Variants in LINC00305 observed in about 807,000 individuals in gnomAD.
LINC00305 encodes the protein long independently transcribed non-coding RNA 305, also known as long intergenic non-protein coding RNA 305.
intron 1 of LINC00305, among the ~76,000 whole-genome samples, chr18:64,105,613 G>T (rs1014045845): frequency 6.6e-6 from 1 of 152,160 alleles, no homozygotes; most frequent in African/African-American, 2.4e-5. Flanking sequence ...GAGTACATGT[G>T]TTCAAAGAAA....
At position 64,105,459 on chromosome 18, in the gene LINC00305, AAAAC is replaced by A. The variant is rs372753743; in HGVS notation, n.315-6823_315-6820del. ...GGGTGACAGAGTGAGATTCCGTCTC[AAAAC>A]AAACAAACAAACAAAAAAAAGTTAT... On this transcript the variant is annotated intron_variant and non_coding_transcript_variant, in intron 1 of 3. Coordinates refer to ENST00000666468, the Ensembl canonical transcript of LINC00305. Among the ~76,000 whole-genome samples, 1,047 of 152,308 alleles carry A rather than the reference AAAAC, an allele frequency of 6.9e-3. 9 individuals are homozygous for A. Among genetic ancestry groups the A allele is most frequent in the African/African-American group, 0.024 (1,011 of 41,572 alleles).
At chr18:64,134,928 GA>G (rs983639500) in intron 1 of LINC00305, among the ~76,000 whole-genome samples, 1 of 152,188 alleles carries the variant, frequency 6.6e-6, no homozygotes, top group African/African-American at 2.4e-5. Flanking sequence ...GGAGTTAACA[GA>G]TAATGTCTGC....
chr18:64,120,479 G>A (rs771983432), intron 1 of LINC00305, among the ~76,000 whole-genome samples: 20 of 151,818 alleles, frequency 1.3e-4, no homozygotes, highest in Admixed American at 3.9e-4. Context: ...GTTTTATAGC[G>A]TTTAGAGAGA....
intron 1 of LINC00305, chr18:64,098,646 A>G: frequency 2.3e-6 from 1 of 429,676 alleles, no homozygotes; most frequent in Non-Finnish European, 4.7e-6. Context: ...CCATCCTGCA[A>G]GTGAAAAAAG....
At chr18:64,108,955 A>C (rs890169555) in intron 1 of LINC00305, among the ~76,000 whole-genome samples, 5 of 152,194 alleles carry the variant, frequency 3.3e-5, no homozygotes, top group Non-Finnish European at 5.9e-5. Flanking sequence ...ACTAACTTTT[A>C]TTTCTTTTCC....
chr18:64,148,317 C>G (rs2051508000), intron 1 of LINC00305, among the ~76,000 whole-genome samples: 2 of 152,060 alleles, frequency 1.3e-5, no homozygotes, highest in African/African-American at 4.8e-5. Context: ...GCAAACTTCC[C>G]TTATCTCAGA....
intron 1 of LINC00305, among the ~76,000 whole-genome samples, chr18:64,136,967 C>T (rs1430266060): frequency 2.6e-5 from 4 of 152,310 alleles, no homozygotes; most frequent in South Asian, 4.1e-4. Context: ...GGTTGCATAG[C>T]GTCCACCTGC....
At chr18:64,121,089 C>T (rs889792944) in intron 1 of LINC00305, among the ~76,000 whole-genome samples, 1 of 152,038 alleles carries the variant, frequency 6.6e-6, no homozygotes, top group Non-Finnish European at 1.5e-5. Flanking sequence ...AAAAATGGTA[C>T]ATGGAACATT....
At chr18:64,097,988 G>T (rs530371416) in exon 3 of LINC00305, 2 of 457,826 alleles carry the variant, frequency 4.4e-6, no homozygotes, top group East Asian at 6.9e-5. Flanking sequence ...AGGTCGCAGA[G>T]ATGGCTACTG....
chr18:64,106,014 C>A (rs2051289013), intron 1 of LINC00305, among the ~76,000 whole-genome samples: 2 of 152,212 alleles, frequency 1.3e-5, no homozygotes, highest in African/African-American at 4.8e-5. Flanking sequence ...ACATTGTTTC[C>A]AATGACATTC....
chr18:64,119,463 C>T (rs762674798), intron 1 of LINC00305, among the ~76,000 whole-genome samples: 10 of 151,956 alleles, frequency 6.6e-5, no homozygotes, highest in Admixed American at 2.0e-4. Flanking sequence ...TAATTAATTG[C>T]GTATTGAGTT....
chr18:64,123,158 A>G (rs1297960495), intron 1 of LINC00305, among the ~76,000 whole-genome samples: 1 of 152,010 alleles, frequency 6.6e-6, no homozygotes, highest in Non-Finnish European at 1.5e-5. Flanking sequence ...TCCAGTTTGG[A>G]TGCCTTTAAT....
At position 64,144,225 on chromosome 18, in the gene LINC00305, A is replaced by C. The variant is rs138670548; in HGVS notation, n.314+4550T>G. ...GGAGTTGGTGAATTATTTATGCTCT[A>C]TAGAATTAGGTTTTGTTGCCAATAG... On this transcript the variant is annotated intron_variant and non_coding_transcript_variant, in intron 1 of 3. Transcript: ENST00000666468. 2.2e-3 allele frequency among the ~76,000 whole-genome samples: 338 copies of C among 152,264 alleles called. 2 individuals carry two copies. The highest frequency in any genetic ancestry group is 7.9e-3 in the African/African-American group (330 of 41,548).
At chr18:64,115,919 G>GA (rs1176312947) in intron 1 of LINC00305, among the ~76,000 whole-genome samples, 1 of 152,084 alleles carries the variant, frequency 6.6e-6, no homozygotes, top group African/African-American at 2.4e-5. Flanking sequence ...GGGAGGATAG[G>GA]AGCCTAACAT....
intron 1 of LINC00305, among the ~76,000 whole-genome samples, chr18:64,134,332 T>C (rs1299961618): frequency 6.6e-6 from 1 of 152,214 alleles, no homozygotes; most frequent in Non-Finnish European, 1.5e-5. Flanking sequence ...AATCACAGTT[T>C]CATAATTATG....
chr18:64,083,732 T>G (rs2051193268), intron 3 of LINC00305, among the ~76,000 whole-genome samples: 1 of 152,214 alleles, frequency 6.6e-6, no homozygotes. Flanking sequence ...TTAGCACCTC[T>G]TAGAGCTCTT....
intron 1 of LINC00305, among the ~76,000 whole-genome samples, chr18:64,126,716 T>C (rs1408402431): frequency 4.6e-5 from 7 of 152,136 alleles, no homozygotes; most frequent in Admixed American, 4.6e-4. Context: ...TCAAAGCGTG[T>C]CCAGCTGTAG....
intron 1 of LINC00305, among the ~76,000 whole-genome samples, chr18:64,136,490 C>T (rs1270863949): frequency 6.6e-6 from 1 of 152,100 alleles, no homozygotes; most frequent in Admixed American, 6.5e-5. Flanking sequence ...ACCATCAGAT[C>T]TCATGAGAAC....
intron 3 of LINC00305, among the ~76,000 whole-genome samples, chr18:64,096,382 T>C (rs1181466238): frequency 6.6e-6 from 1 of 151,856 alleles, no homozygotes; most frequent in Non-Finnish European, 1.5e-5. Context: ...GCAAAAATAT[T>C]TTGAAAAACA....
Sources: allele counts gnomAD v4.1 joint callset (sites outside exome capture counted in the v4.1 genomes callset), GRCh38; gene constraint gnomAD v4.1.1; transcripts MANE v1.5; gene names NCBI Gene and HGNC (gene_info 2026-07-23, HGNC 2026-07-21).